The following RALGAPA2 variants were observed in gnomAD, a reference collection of about 807,000 sequenced individuals.
RALGAPA2 encodes the protein ral GTPase-activating protein subunit alpha-2.
RALGAPA2 carries 139 observed loss-of-function variants against 230.4 expected under a neutral mutation model. That is an observed-to-expected ratio of 0.60 (90% CI 0.53 to 0.69). RALGAPA2 has a LOEUF of 0.69. Among genes scored for constraint, RALGAPA2 ranks in the 30% least tolerant of loss-of-function variants. The probability of loss-of-function intolerance (pLI) is 0.00; values close to 1 mark genes in which losing one functional copy is unlikely to be tolerated. For missense variants in RALGAPA2, 2,163 were observed against 2,276.0 expected (o/e 0.95, Z 1.01); for synonymous variants, 847 against 837.8 (o/e 1.01, Z -0.19).
chr20:20,561,345 T>C (rs1321070365), intron 23 of RALGAPA2, among the ~76,000 whole-genome samples: 1 of 152,242 alleles, frequency 6.6e-6, no homozygotes, highest in Non-Finnish European at 1.5e-5. Context: ...TCAGCCATCC[T>C]GCTTCCTCTT....
chr20:20,512,244 C>CACACACACACACACAT lies in RALGAPA2; in HGVS notation c.4856+268_4856+269insATGTGTGTGTGTGTGT, dbSNP rs1556256278. Among the ~76,000 whole-genome samples, 1,060 of 148,402 alleles carry CACACACACACACACAT rather than the reference C, an allele frequency of 7.1e-3. 13 individuals are homozygous for CACACACACACACACAT. The highest frequency in any genetic ancestry group is 0.026 in the African/African-American group (1,017 of 39,590). On this transcript the variant is annotated intron_variant, in intron 32 of 39. Coordinates refer to ENST00000202677, the MANE Select transcript of RALGAPA2 (RefSeq NM_020343.4). The stretch of plus-strand genomic sequence containing the variant: ...CCCCCTACACACACACACACATACA[C>CACACACACACACACAT]ACACACACACACACACACACACACA...
chr20:20,418,456 G>A (rs1051978458), intron 37 of RALGAPA2, among the ~76,000 whole-genome samples: 5 of 152,278 alleles, frequency 3.3e-5, no homozygotes, highest in South Asian at 2.1e-4. Flanking sequence ...GAACAGACGT[G>A]CGTGCTTGCA....
chr20:20,562,149 G>A (rs1302525635), intron 23 of RALGAPA2, among the ~76,000 whole-genome samples: 1 of 151,966 alleles, frequency 6.6e-6, no homozygotes, highest in Non-Finnish European at 1.5e-5. Flanking sequence ...CCATGATGCT[G>A]TGTAGATTTG....
At chr20:20,628,191 G>C (rs1053116786) in intron 10 of RALGAPA2, among the ~76,000 whole-genome samples, 1 of 152,058 alleles carries the variant, frequency 6.6e-6, no homozygotes, top group African/African-American at 2.4e-5. Context: ...TTTGTTTTTG[G>C]TTGATTTTTT....
In RALGAPA2 at chr20:20,513,012, C is replaced by G; in HGVS notation, c.4357G>C (p.Val1453Leu). Reference protein sequence around the residue: ...PTEGPVGGSPVGSLSDVRVIV... With the variant: ...PTEGPVGGSPLGSLSDVRVIV... ...ACTCTCACATCAGAGAGAGAGCCCACTGGTGATCCCCCTACCGGTCCTTCT... is the reference window on the plus strand; with the variant it reads ...ACTCTCACATCAGAGAGAGAGCCCAGTGGTGATCCCCCTACCGGTCCTTCT... The change falls in exon 32 of 40, where the codon GTG becomes CTG. Residue 1453 changes from valine (V) to leucine (L), a missense_variant. Val to Leu is a conservative substitution (Grantham distance 32). Coordinates refer to ENST00000202677, the MANE Select transcript of RALGAPA2 (RefSeq NM_020343.4). 6.2e-7 allele frequency: 1 copy of G among 1,613,770 alleles called. No homozygotes were observed. The highest frequency in any genetic ancestry group is 8.5e-7 in the Non-Finnish European group (1 of 1,179,760).
At chr20:20,547,341 T>C (rs369308728) in intron 23 of RALGAPA2, among the ~76,000 whole-genome samples, 16 of 152,172 alleles carry the variant, frequency 1.1e-4, no homozygotes, top group African/African-American at 3.9e-4. Flanking sequence ...TTGTAATCAG[T>C]GAAATGCTAA....
Position 20,392,942 on chromosome 20 carries a change from C to T in RALGAPA2, c.*347G>A. ...TCTGCCCAGAGCAGCCACACCAGTG[C>T]CCACGTGTCAGTGGGTTCATCTCTG... On this transcript the variant is annotated 3_prime_UTR_variant, in exon 40 of 40. Transcript: ENST00000202677. 1.6e-6 allele frequency: 1 copy of T among 619,750 alleles called. No homozygotes were observed. The highest frequency in any genetic ancestry group is 2.4e-6 in the Non-Finnish European group (1 of 414,218). The allele number at this position is 619,750 out of a possible 1,614,324, so 38.4% of individuals were successfully genotyped here.
chr20:20,475,061 G>T (rs1196986036), intron 36 of RALGAPA2, among the ~76,000 whole-genome samples: 1 of 152,120 alleles, frequency 6.6e-6, no homozygotes, highest in Non-Finnish European at 1.5e-5. Flanking sequence ...ACAATTGGAA[G>T]GCAAATACCT....
At chr20:20,655,650 A>G (rs535628811) in intron 3 of RALGAPA2, among the ~76,000 whole-genome samples, 13 of 152,214 alleles carry the variant, frequency 8.5e-5, no homozygotes, top group Admixed American at 7.9e-4. Context: ...TCCTCATGGG[A>G]GCAGTGTGGT....
At chr20:20,649,981 CT>C (rs1444868448) in intron 4 of RALGAPA2, among the ~76,000 whole-genome samples, 1 of 152,086 alleles carries the variant, frequency 6.6e-6, no homozygotes, top group Non-Finnish European at 1.5e-5. Flanking sequence ...ACAATTTTTT[CT>C]TTCGTAGTCA....
chr20:20,654,686 T>A (rs2067525757), intron 3 of RALGAPA2, among the ~76,000 whole-genome samples: 1 of 152,262 alleles, frequency 6.6e-6, no homozygotes, highest in Non-Finnish European at 1.5e-5. Flanking sequence ...CTACAGTGAA[T>A]AATGCTGCAA....
At chr20:20,572,654 T>C (rs576261253) in intron 21 of RALGAPA2, among the ~76,000 whole-genome samples, 1 of 152,326 alleles carries the variant, frequency 6.6e-6, no homozygotes, top group East Asian at 1.9e-4. Context: ...GTATTTAATA[T>C]CCTATAGCAA....
At chr20:20,684,791 TCTC>T (rs2068643185) in intron 1 of RALGAPA2, among the ~76,000 whole-genome samples, 1 of 152,206 alleles carries the variant, frequency 6.6e-6, no homozygotes, top group Admixed American at 6.5e-5. Flanking sequence ...AAGGCAGAAA[TCTC>T]ATCTGCTTTG....
chr20:20,607,085 T>C (rs1003827555), intron 14 of RALGAPA2, among the ~76,000 whole-genome samples: 5 of 152,224 alleles, frequency 3.3e-5, no homozygotes, highest in East Asian at 1.9e-4. Flanking sequence ...CCAACCCAGA[T>C]GCAAATAGGC....
At chr20:20,663,504 C>T (rs1216573879) in intron 3 of RALGAPA2, among the ~76,000 whole-genome samples, 1 of 152,146 alleles carries the variant, frequency 6.6e-6, no homozygotes, top group Non-Finnish European at 1.5e-5. Flanking sequence ...AGAACGCTCA[C>T]CTTTTCACTT....
chr20:20,519,958 C>T (rs745800272), intron 31 of RALGAPA2, among the ~76,000 whole-genome samples: 65 of 152,220 alleles, frequency 4.3e-4, no homozygotes, highest in Admixed American at 9.8e-4. Flanking sequence ...CTTGACCTCA[C>T]AGACTCAAGT....
At chr20:20,657,237 A>G (rs543629432) in intron 3 of RALGAPA2, among the ~76,000 whole-genome samples, 8 of 152,296 alleles carry the variant, frequency 5.3e-5, no homozygotes, top group African/African-American at 1.4e-4. Flanking sequence ...CTGCCAGCCT[A>G]GCGGAAGCTC....
At chr20:20,595,554 G>T (rs1031630204) in intron 16 of RALGAPA2, among the ~76,000 whole-genome samples, 2 of 152,158 alleles carry the variant, frequency 1.3e-5, no homozygotes, top group Non-Finnish European at 2.9e-5. Context: ...AGGGGAGATT[G>T]TTGATCCTCT....
chr20:20,451,539 C>A (rs918238386), intron 37 of RALGAPA2, among the ~76,000 whole-genome samples: 5 of 152,176 alleles, frequency 3.3e-5, no homozygotes, highest in African/African-American at 1.2e-4. Context: ...ACTGCCTAAT[C>A]ATTTCATGGT....
Sources: allele counts gnomAD v4.1 joint callset (sites outside exome capture counted in the v4.1 genomes callset), GRCh38; gene constraint gnomAD v4.1.1; transcripts MANE v1.5; gene names NCBI Gene and HGNC (gene_info 2026-07-23, HGNC 2026-07-21).